Variants in BCL2 observed in about 807,000 individuals in gnomAD.
BCL2 encodes the protein BCL2 apoptosis regulator.
A neutral mutation model predicts 14.2 loss-of-function variants in BCL2; 1 was observed. That is an observed-to-expected ratio of 0.07 (90% CI 0.02 to 0.33). The LOEUF (loss-of-function observed/expected upper bound fraction) is 0.33, where lower values mean the gene tolerates loss of function less well. Ranked by LOEUF, BCL2 falls within the 10% of genes least tolerant of loss-of-function variation. BCL2 has a pLI of 0.99. For synonymous variants in BCL2, 151 were observed against 137.2 expected, an observed-to-expected ratio of 1.10 and a Z score of -0.70; for missense variants, 247 against 305.9, an observed-to-expected ratio of 0.81 and a Z score of 1.44.
In BCL2 at chr18:63,225,733, C is replaced by A. The variant is rs117590984; in HGVS notation, c.585+92349G>T. ...CCACCCCTCACGGAGGTGGAGCACG[C>A]AGGTGAGTAGATGCAGGAGCCAGGT... On this transcript the variant is annotated intron_variant, in intron 2 of 2. Coordinates refer to ENST00000333681, the MANE Select transcript of BCL2 (RefSeq NM_000633.3). Among the ~76,000 whole-genome samples, 266 of 152,178 alleles carry A rather than the reference C, an allele frequency of 1.7e-3. 4 individuals are homozygous for A. The East Asian group carries it at 0.031, about 18-fold the overall frequency.
chr18:63,309,010 T>C (rs543746992), intron 2 of BCL2, among the ~76,000 whole-genome samples: 25 of 152,314 alleles, frequency 1.6e-4, no homozygotes, highest in African/African-American at 5.5e-4. Context: ...ACATAGAGGA[T>C]ACTATTAGGA....
chr18:63,174,381 T>G (rs72943023), intron 2 of BCL2, among the ~76,000 whole-genome samples: 23,352 of 151,912 alleles, frequency 0.15, 2,212 homozygotes, highest in East Asian at 0.44. Context: ...TATTGTTGTT[T>G]TTTTTTTCTT....
At chr18:63,145,524 TA>T (rs1306100840) in intron 2 of BCL2, among the ~76,000 whole-genome samples, 1 of 152,244 alleles carries the variant, frequency 6.6e-6, no homozygotes, top group Non-Finnish European at 1.5e-5. Context: ...TACTCACATT[TA>T]AAAAATCTTC....
At chr18:63,263,113 C>A (rs1911708301) in intron 2 of BCL2, among the ~76,000 whole-genome samples, 1 of 152,148 alleles carries the variant, frequency 6.6e-6, no homozygotes, top group Non-Finnish European at 1.5e-5. Context: ...GGAACCTCAG[C>A]CTAGGGGGCA....
chr18:63,154,403 A>T (rs906045854), intron 2 of BCL2, among the ~76,000 whole-genome samples: 1 of 152,088 alleles, frequency 6.6e-6, no homozygotes, highest in African/African-American at 2.4e-5. Context: ...AGACCCACAA[A>T]GCAGTTGCGT....
intron 2 of BCL2, among the ~76,000 whole-genome samples, chr18:63,140,473 G>A (rs964187264): frequency 6.6e-5 from 10 of 152,218 alleles, no homozygotes; most frequent in African/African-American, 2.4e-4. Flanking sequence ...CCAAAAAAAG[G>A]AGCGAAGCAT....
intron 2 of BCL2, among the ~76,000 whole-genome samples, chr18:63,229,726 C>A (rs1214515560): frequency 6.6e-6 from 1 of 152,198 alleles, no homozygotes; most frequent in Non-Finnish European, 1.5e-5. Flanking sequence ...AACCGTAAGT[C>A]AATTAAACCT....
chr18:63,296,680 C>T (rs536219619), intron 2 of BCL2, among the ~76,000 whole-genome samples: 19 of 152,294 alleles, frequency 1.2e-4, no homozygotes, highest in African/African-American at 4.6e-4. Flanking sequence ...CTTCAGTATG[C>T]TCACCTGTAA....
intron 2 of BCL2, among the ~76,000 whole-genome samples, chr18:63,233,948 T>G (rs1910753074): frequency 6.6e-6 from 1 of 152,178 alleles, no homozygotes; most frequent in Non-Finnish European, 1.5e-5. Context: ...GGTACCTGAT[T>G]GTTTGCTATA....
chr18:63,223,408 A>AT (rs975731254), intron 2 of BCL2, among the ~76,000 whole-genome samples: 1 of 124,130 alleles, frequency 8.1e-6, no homozygotes, highest in Non-Finnish European at 1.9e-5. Flanking sequence ...TCAAAAAAAA[A>AT]AAATAAATAA....
At chr18:63,252,743 C>A (rs887956138) in intron 2 of BCL2, among the ~76,000 whole-genome samples, 4 of 152,176 alleles carry the variant, frequency 2.6e-5, no homozygotes, top group Non-Finnish European at 5.9e-5. Flanking sequence ...GTCCAATAAA[C>A]CTCTTTCTTT....
intron 2 of BCL2, among the ~76,000 whole-genome samples, chr18:63,275,348 A>G (rs572474346): frequency 6.6e-6 from 1 of 152,276 alleles, no homozygotes; most frequent in African/African-American, 2.4e-5. Flanking sequence ...ACACTCAGCA[A>G]CAACAATGCC....
chr18:63,154,350 G>A (rs968798001), intron 2 of BCL2, among the ~76,000 whole-genome samples: 3 of 152,144 alleles, frequency 2.0e-5, no homozygotes, highest in African/African-American at 7.2e-5. Context: ...CCCTCATCTT[G>A]CCCCATTCAG....
chr18:63,190,981 C>A (rs1568228850), intron 2 of BCL2, among the ~76,000 whole-genome samples: 1 of 152,174 alleles, frequency 6.6e-6, no homozygotes, highest in Non-Finnish European at 1.5e-5. Flanking sequence ...TGTTAGTTTG[C>A]TGAGGATGAT....
At chr18:63,207,913 C>CCA (rs1909885322) in intron 2 of BCL2, 1 of 150,342 alleles carries the variant, frequency 6.7e-6, no homozygotes, top group Non-Finnish European at 1.5e-5. Flanking sequence ...ATACACTTTT[C>CCA]TAAAAAAAAT....
chr18:63,318,867 T>G lies in BCL2; in HGVS notation c.-201A>C. Reference sequence around the variant, plus strand: ...CTTGGCATGAGATGCAGGAAATTTTTATTCCAATTCCTTTCGGATCTTTAT... The same window carrying G: ...CTTGGCATGAGATGCAGGAAATTTTGATTCCAATTCCTTTCGGATCTTTAT... On this transcript the variant is annotated 5_prime_UTR_variant, in exon 2 of 3. Transcript: ENST00000333681. This position sits in a 1 kb window ranked among gnomAD's most constrained non-coding sequence, Gnocchi z 7.4. 1 of 1,414,888 alleles carries G rather than the reference T, an allele frequency of 7.1e-7. No homozygotes were observed. The highest frequency in any genetic ancestry group is 9.2e-7 in the Non-Finnish European group (1 of 1,082,838). The allele number at this position is 1,414,888 out of a possible 1,614,324, so 87.6% of individuals were successfully genotyped here.
At chr18:63,244,683 C>T (rs930300049) in intron 2 of BCL2, among the ~76,000 whole-genome samples, 1 of 152,208 alleles carries the variant, frequency 6.6e-6, no homozygotes, top group Admixed American at 6.5e-5. Flanking sequence ...CTCTGGCGTG[C>T]TACTTCAGCA....
At chr18:63,248,959 G>A (rs911851051) in intron 2 of BCL2, among the ~76,000 whole-genome samples, 9 of 152,172 alleles carry the variant, frequency 5.9e-5, no homozygotes, top group Non-Finnish European at 5.9e-5. Flanking sequence ...CCTGTAAGAT[G>A]CTACTTGGGT....
intron 2 of BCL2, among the ~76,000 whole-genome samples, chr18:63,139,597 G>T (rs1032689105): frequency 6.6e-6 from 1 of 152,182 alleles, no homozygotes; most frequent in African/African-American, 2.4e-5. Flanking sequence ...CAGTGGCCTT[G>T]CCAGGAGAGA....
Sources: gnomAD v4.1 joint callset for allele counts (sites outside exome capture counted in the v4.1 genomes callset) on GRCh38, gnomAD v4.1.1 for gene constraint, Gnocchi (gnomAD v3.1) non-coding constraint, MANE v1.5 for transcripts, NCBI Gene and HGNC (gene_info 2026-07-23, HGNC 2026-07-21) for gene names.